Variants in TRIM44 observed in about 807,000 individuals in gnomAD.
The protein encoded by TRIM44 is tripartite motif-containing protein 44.
TRIM44 carries 13 observed loss-of-function variants against 37.4 expected under a neutral mutation model. The ratio of observed to expected loss-of-function variants is 0.35; its 90% confidence interval spans 0.23 to 0.55. The LOEUF is 0.55. Ranked by LOEUF, TRIM44 falls within the 20% of genes least tolerant of loss-of-function variation. The pLI is 0.89. For missense variants in TRIM44, 426 were observed against 437.2 expected (o/e 0.97, Z 0.23); for synonymous variants, 175 against 157.2 (o/e 1.11, Z -0.85).
chr11:35,693,875 G>A lies in TRIM44; in HGVS notation c.747+8539G>A, dbSNP rs552088590. Reference sequence around the variant, plus strand: ...ATGGCTGTATGCAAACATTTAAAACGTTGGAAAGAATAGAGTGCGCTAGGG... The same window carrying A: ...ATGGCTGTATGCAAACATTTAAAACATTGGAAAGAATAGAGTGCGCTAGGG... On this transcript the variant is annotated intron_variant, in intron 2 of 4. Coordinates refer to ENST00000299413, the MANE Select transcript of TRIM44 (RefSeq NM_017583.6). Among the ~76,000 whole-genome samples, 253 of 152,076 alleles carry A rather than the reference G, an allele frequency of 1.7e-3. 1 individual carries two copies. The highest frequency in any genetic ancestry group is 2.3e-3 in the Non-Finnish European group (156 of 68,010).
At chr11:35,773,702 A>G (rs1355067830) in intron 4 of TRIM44, among the ~76,000 whole-genome samples, 1 of 151,916 alleles carries the variant, frequency 6.6e-6, no homozygotes, top group Non-Finnish European at 1.5e-5. Context: ...GTTCCTACCT[A>G]TGAGTGAGAA....
intron 4 of TRIM44, among the ~76,000 whole-genome samples, chr11:35,793,435 G>A (rs1408694147): frequency 6.6e-6 from 1 of 152,176 alleles, no homozygotes; most frequent in Admixed American, 6.5e-5. Context: ...TGAGGCAGGA[G>A]AGTCGCTTGA....
At chr11:35,738,408 A>G (rs1564988529) in intron 4 of TRIM44, among the ~76,000 whole-genome samples, 1 of 152,220 alleles carries the variant, frequency 6.6e-6, no homozygotes, top group Non-Finnish European at 1.5e-5. Flanking sequence ...CCAGGCTGCT[A>G]TGGAGGTCAG....
intron 1 of TRIM44, among the ~76,000 whole-genome samples, chr11:35,684,574 GGGAGAA>G (rs1417164824): frequency 6.6e-6 from 1 of 152,192 alleles, no homozygotes; most frequent in Non-Finnish European, 1.5e-5. Flanking sequence ...TTATAGAAGG[GGGAGAA>G]GGTTTTGAGA....
rs183120660 is a variant in TRIM44 at position 35,666,439 on chromosome 11, A to G, written c.669+2659A>G. ...AGGAGTGTATTTGGATATTAAATTT[A>G]TAAGCCAATATAGGGAGAATTAATA... On this transcript the variant is annotated intron_variant, in intron 1 of 4. Coordinates refer to ENST00000299413, the MANE Select transcript of TRIM44 (RefSeq NM_017583.6). 1.2e-3 allele frequency among the ~76,000 whole-genome samples: 180 copies of G among 152,360 alleles called. 1 individual carries two copies. The highest frequency in any genetic ancestry group is 4.8e-3 in the Admixed American group (74 of 15,302).
At chr11:35,702,179 T>G (rs1175173270) in intron 2 of TRIM44, among the ~76,000 whole-genome samples, 1 of 152,246 alleles carries the variant, frequency 6.6e-6, no homozygotes, top group Non-Finnish European at 1.5e-5. Context: ...CTGGCAGGAC[T>G]CAAACTTGCC....
chr11:35,665,168 T>G (rs562410634), intron 1 of TRIM44, among the ~76,000 whole-genome samples: 2 of 152,238 alleles, frequency 1.3e-5, no homozygotes, highest in South Asian at 4.2e-4. Flanking sequence ...AGCGTCGGGC[T>G]GTTACAAACA....
chr11:35,672,610 T>C (rs1261901975), intron 1 of TRIM44, among the ~76,000 whole-genome samples: 3 of 152,106 alleles, frequency 2.0e-5, no homozygotes. Flanking sequence ...GCGGAACAAC[T>C]GCTTGGGGAG....
intron 4 of TRIM44, among the ~76,000 whole-genome samples, chr11:35,753,644 G>A (rs1311573945): frequency 6.6e-6 from 1 of 152,114 alleles, no homozygotes; most frequent in Non-Finnish European, 1.5e-5. Flanking sequence ...TGCAGATTAT[G>A]CTTAAGTAAA....
At chr11:35,728,244 T>C (rs1436291808) in intron 3 of TRIM44, among the ~76,000 whole-genome samples, 1 of 152,154 alleles carries the variant, frequency 6.6e-6, no homozygotes, top group Non-Finnish European at 1.5e-5. Flanking sequence ...AAGAATCGCT[T>C]GAACCCAGGA....
chr11:35,679,122 A>C (rs1310891943), intron 1 of TRIM44, among the ~76,000 whole-genome samples: 1 of 152,098 alleles, frequency 6.6e-6, no homozygotes, highest in Non-Finnish European at 1.5e-5. Flanking sequence ...ATAGAATTCA[A>C]TATTCAGGAG....
At chr11:35,758,511 T>C (rs959595424) in intron 4 of TRIM44, among the ~76,000 whole-genome samples, 1 of 152,218 alleles carries the variant, frequency 6.6e-6, no homozygotes, top group African/African-American at 2.4e-5. Context: ...TTAAGATTAA[T>C]ATTGTTATGT....
At chr11:35,769,624 A>T (rs559866380) in intron 4 of TRIM44, among the ~76,000 whole-genome samples, 1 of 152,128 alleles carries the variant, frequency 6.6e-6, no homozygotes, top group Non-Finnish European at 1.5e-5. Flanking sequence ...TAAAAGGGGG[A>T]TAATTAATAG....
chr11:35,710,485 A>ATG (rs145578024), intron 2 of TRIM44, among the ~76,000 whole-genome samples: 2,949 of 152,312 alleles, frequency 0.019, 110 homozygotes, highest in African/African-American at 0.068. Flanking sequence ...TCGTGTGTGC[A>ATG]TGTGATACCT....
intron 4 of TRIM44, among the ~76,000 whole-genome samples, chr11:35,781,010 A>G (rs551640150): frequency 5.3e-5 from 8 of 152,284 alleles, no homozygotes; most frequent in African/African-American, 1.7e-4. Flanking sequence ...AATGAAGAAA[A>G]TAATTTTTGA....
chr11:35,705,080 A>T (rs1170353167), intron 2 of TRIM44, among the ~76,000 whole-genome samples: 2 of 149,076 alleles, frequency 1.3e-5, no homozygotes, highest in Non-Finnish European at 3.0e-5. Context: ...TACCAAGCCA[A>T]TGGAAAACAA....
At chr11:35,703,857 C>T (rs1345469915) in intron 2 of TRIM44, among the ~76,000 whole-genome samples, 1 of 152,250 alleles carries the variant, frequency 6.6e-6, no homozygotes, top group African/African-American at 2.4e-5. Context: ...GAGTGCCTCT[C>T]CTTCTCCAAA....
chr11:35,803,889 G>A (rs1211113466), intron 4 of TRIM44, among the ~76,000 whole-genome samples: 3 of 151,046 alleles, frequency 2.0e-5, no homozygotes, highest in Non-Finnish European at 4.4e-5. Context: ...AAAGCTCTGT[G>A]TTATAGATTC....
intron 4 of TRIM44, among the ~76,000 whole-genome samples, chr11:35,763,699 T>G (rs748094790): frequency 1.1e-4 from 17 of 152,230 alleles, no homozygotes; most frequent in Admixed American, 2.0e-4. Context: ...GAGAGAAAGA[T>G]GTTACAAAAA....
Sources: gnomAD v4.1 joint callset for allele counts (sites outside exome capture counted in the v4.1 genomes callset) on GRCh38, gnomAD v4.1.1 for gene constraint, MANE v1.5 for transcripts, NCBI Gene and HGNC (gene_info 2026-07-23, HGNC 2026-07-21) for gene names.